IL1RAPL1: variants seen among roughly 807,000 people sequenced by gnomAD.
The protein encoded by IL1RAPL1 is interleukin-1 receptor accessory protein-like 1.
A neutral mutation model predicts 48.4 loss-of-function variants in IL1RAPL1; 3 were observed. That is an observed-to-expected ratio of 0.06 (90% CI 0.03 to 0.16). IL1RAPL1 has a LOEUF of 0.16. Ranked by LOEUF, IL1RAPL1 falls within the 10% of genes least tolerant of loss-of-function variation. The pLI is 1.00. For missense variants in IL1RAPL1, 349 were observed against 530.6 expected, an observed-to-expected ratio of 0.66 and a Z score of 3.36; for synonymous variants, 185 against 187.7, an observed-to-expected ratio of 0.99 and a Z score of 0.12.
rs541813952 is a variant in IL1RAPL1 at position 29,342,356 on chromosome X, A to G, written c.363-53902A>G. On this transcript the variant is annotated intron_variant, in intron 3 of 10. Transcript: ENST00000378993. ...ATTAAAAAATAAGGCTTTTACCCCC[A>G]TTGATCTTAGGTTTTAGTGAAGGAA... Among the ~76,000 whole-genome samples the G allele has an allele frequency of 2.7e-5, 3 of 111,754 alleles. No homozygotes were observed. The Admixed American group carries it at 2.9e-4, about 11-fold the overall frequency.
intron 2 of IL1RAPL1, among the ~76,000 whole-genome samples, chrX:29,233,630 C>A (rs1931239719): frequency 9.0e-6 from 1 of 110,794 alleles, no homozygotes; most frequent in African/African-American, 3.3e-5. Flanking sequence ...TGTACACACC[C>A]AGTAAAATCC....
intron 2 of IL1RAPL1, among the ~76,000 whole-genome samples, chrX:28,816,046 A>G (rs907045540): frequency 9.6e-6 from 1 of 104,372 alleles, no homozygotes; most frequent in African/African-American, 3.5e-5. Context: ...GCTGGATTAT[A>G]TGATAGTTCT....
At chrX:29,880,711 T>G (rs191404552) in intron 6 of IL1RAPL1, among the ~76,000 whole-genome samples, 1 of 111,773 alleles carries the variant, frequency 8.9e-6, no homozygotes, top group East Asian at 2.8e-4. Context: ...TGACAGGAAA[T>G]TCTGTGTCTG....
chrX:29,359,156 A>C (rs5927671), intron 3 of IL1RAPL1, among the ~76,000 whole-genome samples: 47,672 of 110,863 alleles, frequency 0.43, 9,000 homozygotes, highest in Middle Eastern at 0.63. Flanking sequence ...ATGTTCATTC[A>C]GATTTTTTCC....
At chrX:29,637,437 A>G (rs1170534350) in intron 5 of IL1RAPL1, among the ~76,000 whole-genome samples, 1 of 110,795 alleles carries the variant, frequency 9.0e-6, no homozygotes, top group African/African-American at 3.3e-5. Context: ...AAGGAGAATT[A>G]AGCTATATTA....
chrX:28,993,579 G>C (rs1925662293), intron 2 of IL1RAPL1, among the ~76,000 whole-genome samples: 2 of 112,509 alleles, frequency 1.8e-5, no homozygotes, highest in African/African-American at 6.5e-5. Flanking sequence ...TGATGCTAGT[G>C]ATATTTATTT....
At chrX:29,227,234 C>CA (rs1287516940) in intron 2 of IL1RAPL1, among the ~76,000 whole-genome samples, 2 of 101,130 alleles carry the variant, frequency 2.0e-5, no homozygotes, top group African/African-American at 7.2e-5. Context: ...ATCCAAAGGT[C>CA]AAAAAACACA....
intron 2 of IL1RAPL1, among the ~76,000 whole-genome samples, chrX:29,035,858 G>A (rs1307019190): frequency 3.6e-5 from 4 of 111,836 alleles, no homozygotes; most frequent in East Asian, 2.8e-4. Context: ...CCCAAAGCCC[G>A]TGGTGGAAAT....
chrX:29,116,537 A>G (rs1349140026), intron 2 of IL1RAPL1, among the ~76,000 whole-genome samples: 2 of 111,853 alleles, frequency 1.8e-5, no homozygotes, highest in African/African-American at 6.5e-5. Flanking sequence ...TTACTGAAAT[A>G]TTGGTGAAAT....
chrX:29,916,163 G>T (rs12116191), intron 6 of IL1RAPL1, among the ~76,000 whole-genome samples: 13,022 of 98,427 alleles, frequency 0.13, 768 homozygotes, highest in Non-Finnish European at 0.16. Flanking sequence ...TGGACATTTG[G>T]GTTGGTTCCA....
intron 6 of IL1RAPL1, among the ~76,000 whole-genome samples, chrX:29,750,244 A>G: frequency 8.9e-6 from 1 of 112,304 alleles, no homozygotes. Context: ...TTGATTAGAC[A>G]TAAGATGCTT....
chrX:29,310,751 T>C (rs1463390083), intron 3 of IL1RAPL1, among the ~76,000 whole-genome samples: 3 of 112,457 alleles, frequency 2.7e-5, no homozygotes, highest in Non-Finnish European at 5.6e-5. Flanking sequence ...AAATTTTCTT[T>C]GTAAATTCAA....
chrX:28,843,503 C>T (rs1223434287), intron 2 of IL1RAPL1, among the ~76,000 whole-genome samples: 1 of 111,591 alleles, frequency 9.0e-6, no homozygotes, highest in Non-Finnish European at 1.9e-5. Context: ...GTATGGCTTC[C>T]ATAATTATAA....
intron 6 of IL1RAPL1, among the ~76,000 whole-genome samples, chrX:29,894,722 C>A (rs989016772): frequency 9.0e-6 from 1 of 111,669 alleles, no homozygotes; most frequent in Non-Finnish European, 1.9e-5. Context: ...GATTCTTAAC[C>A]CAGGATTCTT....
In IL1RAPL1 at chrX:29,802,990, T is replaced by TATGTATGC. The variant is rs1569173307; in HGVS notation, c.779-114472_779-114471insGTATGCAT. On this transcript the variant is annotated intron_variant, in intron 6 of 10. Transcript: ENST00000378993. ...GTACATATATACATACATGTGTACA[T>TATGTATGC]ATATATGTATGCATATATACATATG... 2.5e-3 allele frequency among the ~76,000 whole-genome samples: 199 copies of TATGTATGC among 78,390 alleles called. 5 individuals are homozygous for TATGTATGC. Among genetic ancestry groups the TATGTATGC allele is most frequent in the African/African-American group, 0.01 (181 of 17,716 alleles). 68.1% of individuals were successfully genotyped at this position (78,390 alleles called of 115,157 possible). A position where few individuals can be genotyped will look rare whatever the true frequency, so the allele number is the denominator to read the frequency against.
chrX:29,601,554 G>T (rs6526901), intron 5 of IL1RAPL1, among the ~76,000 whole-genome samples: 42,096 of 110,452 alleles, frequency 0.38, 6,046 homozygotes, highest in South Asian at 0.56. Flanking sequence ...GGGCTGTATG[G>T]GTTCCCCAAA....
At chrX:29,449,957 T>C (rs1934660283) in intron 5 of IL1RAPL1, among the ~76,000 whole-genome samples, 1 of 109,751 alleles carries the variant, frequency 9.1e-6, no homozygotes, top group Non-Finnish European at 1.9e-5. Context: ...AGAAGAAAGC[T>C]ATATTGAGGA....
intron 2 of IL1RAPL1, among the ~76,000 whole-genome samples, chrX:29,147,599 G>A (rs1392099748): frequency 9.0e-6 from 1 of 111,298 alleles, no homozygotes; most frequent in African/African-American, 3.3e-5. Flanking sequence ...GTTGTATCCT[G>A]TCTACCAGAG....
intron 1 of IL1RAPL1, among the ~76,000 whole-genome samples, chrX:28,682,476 T>C (rs184025680): frequency 9.1e-6 from 1 of 110,491 alleles, no homozygotes; most frequent in Non-Finnish European, 1.9e-5. Flanking sequence ...ACGCAGCTAA[T>C]TTTTTTATAT....
Sources: gnomAD v4.1 joint callset for allele counts (sites outside exome capture counted in the v4.1 genomes callset) on GRCh38, gnomAD v4.1.1 for gene constraint, MANE v1.5 for transcripts, NCBI Gene and HGNC (gene_info 2026-07-23, HGNC 2026-07-21) for gene names.